The following METTL15 variants were observed in gnomAD, a reference collection of about 807,000 sequenced individuals.
METTL15 encodes the protein methyltransferase 15, mitochondrial 12S rRNA N4-cytidine, also known as 12S rRNA N(4)-cytidine methyltransferase METTL15.
METTL15 carries 34 observed loss-of-function variants against 38.3 expected under a neutral mutation model. The observed-to-expected ratio is 0.89, with a 90% CI of 0.68 to 1.18. METTL15 has a LOEUF of 1.18. Among genes scored for constraint, METTL15 ranks in the 50% most tolerant of loss-of-function variants. METTL15 has a pLI of 0.00. For missense variants in METTL15, 438 were observed against 498.4 expected (o/e 0.88, Z 1.15); for synonymous variants, 162 against 170.9 (o/e 0.95, Z 0.41).
chr11:28,218,693 G>T (rs932901000), intron 4 of METTL15, among the ~76,000 whole-genome samples: 1 of 152,028 alleles, frequency 6.6e-6, no homozygotes, highest in Non-Finnish European at 1.5e-5. Context: ...TTGGCTGTGG[G>T]GTTGTCATAA....
At chr11:28,524,129 A>G (rs1851789773) in intron 6 of METTL15, among the ~76,000 whole-genome samples, 1 of 152,264 alleles carries the variant, frequency 6.6e-6, no homozygotes, top group Non-Finnish European at 1.5e-5. Context: ...AGATGTTACT[A>G]GGAAAATAAA....
chr11:28,139,786 G>A (rs538789089), intron 3 of METTL15, among the ~76,000 whole-genome samples: 18 of 151,614 alleles, frequency 1.2e-4, no homozygotes, highest in African/African-American at 4.1e-4. Context: ...GCATAGAAAA[G>A]CTCCCTGTTT....
intron 3 of METTL15, among the ~76,000 whole-genome samples, chr11:28,179,653 A>G (rs1437639881): frequency 6.6e-6 from 1 of 151,692 alleles, no homozygotes; most frequent in Non-Finnish European, 1.5e-5. Context: ...ACAGCAATTT[A>G]TTTGTCCATT....
chr11:28,472,416 G>C (rs919605668), intron 6 of METTL15, among the ~76,000 whole-genome samples: 20 of 152,038 alleles, frequency 1.3e-4, no homozygotes, highest in African/African-American at 4.8e-4. Flanking sequence ...GGATTTCAAG[G>C]GGCATGCTGC....
intron 6 of METTL15, among the ~76,000 whole-genome samples, chr11:28,523,547 G>A (rs765356013): frequency 5.3e-5 from 8 of 152,168 alleles, no homozygotes; most frequent in Non-Finnish European, 7.3e-5. Context: ...ATTGGCTTTA[G>A]CCACAGTGAT....
At chr11:28,446,435 C>A (rs1174006869) in intron 6 of METTL15, among the ~76,000 whole-genome samples, 1 of 152,244 alleles carries the variant, frequency 6.6e-6, no homozygotes, top group African/African-American at 2.4e-5. Context: ...AAGTTTTTCT[C>A]ATCCTGGTTT....
rs1851556089 is a variant in METTL15, at chr11:28,498,636, A to G, written c.*425-27842A>G. On this transcript the variant is annotated intron_variant and NMD_transcript_variant, in intron 6 of 7. Coordinates refer to the METTL15 transcript ENST00000532947. ...CACTGACCTGACTAAAATTCCCCTT[A>G]TTTAGAGATTCATCCCTTTATGTAA... Among the ~76,000 whole-genome samples the G allele has an allele frequency of 2.0e-5, 3 of 152,250 alleles. No homozygotes were observed. The South Asian group carries it at 6.2e-4, about 32-fold the overall frequency.
intron 4 of METTL15, chr11:28,361,905 T>G (rs890391488): frequency 6.6e-6 from 1 of 152,150 alleles, no homozygotes; most frequent in African/African-American, 2.4e-5. Flanking sequence ...TGTGCAATTC[T>G]GCTTCTTATT....
At chr11:28,174,765 A>C (rs1429209633) in intron 3 of METTL15, among the ~76,000 whole-genome samples, 1 of 149,680 alleles carries the variant, frequency 6.7e-6, no homozygotes, top group African/African-American at 2.5e-5. Flanking sequence ...CAGTGAGAAG[A>C]GATTGCGCCA....
intron 3 of METTL15, among the ~76,000 whole-genome samples, chr11:28,190,360 G>A (rs1262331807): frequency 1.3e-5 from 2 of 151,154 alleles, no homozygotes; most frequent in Non-Finnish European, 3.0e-5. Context: ...CATTTGTTAA[G>A]TTTTTGTCTA....
In METTL15 at chr11:28,188,998, A is replaced by G. The variant is rs190247755; in HGVS notation, c.271-22064A>G. On this transcript the variant is annotated intron_variant, in intron 3 of 6. Transcript: ENST00000407364. ...CATTTGTAAAATATCGTTTACCATA[A>G]TGTGTTCAATGTGTGATGTAGGTGT... Among the ~76,000 whole-genome samples the G allele has an allele frequency of 7.2e-3, 1,095 of 151,390 alleles. 22 individuals are homozygous for G. The highest frequency in any genetic ancestry group is 6.5e-3 in the Non-Finnish European group (439 of 67,408).
At chr11:28,451,081 G>A (rs2133447853) in intron 6 of METTL15, among the ~76,000 whole-genome samples, 1 of 152,250 alleles carries the variant, frequency 6.6e-6, no homozygotes, top group South Asian at 2.1e-4. Flanking sequence ...AGGATTCTTA[G>A]TTGAAAGCTA....
chr11:28,458,574 T>G (rs1851189396), intron 6 of METTL15, among the ~76,000 whole-genome samples: 1 of 152,202 alleles, frequency 6.6e-6, no homozygotes, highest in Admixed American at 6.5e-5. Flanking sequence ...TGGCACAATG[T>G]GCTATCTTCA....
At chr11:28,364,552 A>G (rs984319480) in intron 5 of METTL15, among the ~76,000 whole-genome samples, 6 of 152,106 alleles carry the variant, frequency 3.9e-5, no homozygotes, top group Non-Finnish European at 8.8e-5. Flanking sequence ...CTTTTACTCA[A>G]TTCATTTATC....
intron 6 of METTL15, among the ~76,000 whole-genome samples, chr11:28,323,911 G>T (rs1228602444): frequency 6.6e-6 from 1 of 152,126 alleles, no homozygotes; most frequent in Non-Finnish European, 1.5e-5. Flanking sequence ...CACAGCTAGG[G>T]TCAATCCCTT....
chr11:28,167,545 C>T (rs1259745690), intron 3 of METTL15, among the ~76,000 whole-genome samples: 2 of 151,908 alleles, frequency 1.3e-5, no homozygotes, highest in Non-Finnish European at 2.9e-5. Flanking sequence ...AGCAGCCCTC[C>T]AGGATTCAGT....
At chr11:28,296,243 C>G (rs1009699315) in intron 5 of METTL15, among the ~76,000 whole-genome samples, 1 of 152,052 alleles carries the variant, frequency 6.6e-6, no homozygotes, top group Admixed American at 6.6e-5. Flanking sequence ...GGAAACTGAT[C>G]AGCAGTATGT....
intron 5 of METTL15, among the ~76,000 whole-genome samples, chr11:28,392,025 G>A (rs911045184): frequency 3.9e-5 from 6 of 152,086 alleles, no homozygotes; most frequent in African/African-American, 1.4e-4. Flanking sequence ...GAGTGAACAG[G>A]CAACCTACAG....
At chr11:28,211,020 T>C (rs771956732) in intron 3 of METTL15, 42 bp from the exon 4 acceptor site, 37 of 1,571,404 alleles carry the variant, frequency 2.4e-5, no homozygotes, top group Non-Finnish European at 2.9e-5. Flanking sequence ...GAATAAGTTT[T>C]GTTTATGCTA....
Sources: allele counts gnomAD v4.1 joint callset (sites outside exome capture counted in the v4.1 genomes callset), GRCh38; gene constraint gnomAD v4.1.1; transcripts MANE v1.5; gene names NCBI Gene and HGNC (gene_info 2026-07-23, HGNC 2026-07-21).